The following AGTPBP1 variants were observed in gnomAD, a reference collection of about 807,000 sequenced individuals.
AGTPBP1 encodes cytosolic carboxypeptidase 1.
AGTPBP1 carries 70 observed loss-of-function variants against 143.9 expected under a neutral mutation model. The observed-to-expected ratio is 0.49, with a 90% CI of 0.40 to 0.59. AGTPBP1 has a LOEUF of 0.59. AGTPBP1 is among the 20% of genes least tolerant of loss of function. The pLI is 0.00. For synonymous variants in AGTPBP1, 463 were observed against 500.2 expected (o/e 0.93, Z 0.99); for missense variants, 1,229 against 1,464.5 (o/e 0.84, Z 2.62).
chr9:85,788,110 A>T, the AGTPBP1 span: 1 of 152,162 alleles, frequency 6.6e-6, no homozygotes, highest in Admixed American at 6.5e-5. Context: ...CATGGTACTA[A>T]AATTTATTTA....
chr9:85,651,129 T>C (rs1833138646), intron 11 of AGTPBP1, among the ~76,000 whole-genome samples: 1 of 152,186 alleles, frequency 6.6e-6, no homozygotes, highest in African/African-American at 2.4e-5. Flanking sequence ...CTGAAACTGA[T>C]CTGCTTGTCC....
intron 1 of AGTPBP1, among the ~76,000 whole-genome samples, chr9:85,717,741 C>T (rs1208672289): frequency 1.3e-5 from 2 of 150,404 alleles, no homozygotes; most frequent in Non-Finnish European, 3.0e-5. Context: ...CAGGTTTGTT[C>T]CATAGGTATA....
intron 17 of AGTPBP1, among the ~76,000 whole-genome samples, chr9:85,612,882 G>GTTT (rs34585790): frequency 6.8e-6 from 1 of 146,930 alleles, no homozygotes; most frequent in Admixed American, 6.8e-5. Flanking sequence ...AGAAAAACAG[G>GTTT]TTTTTTTTTT....
chr9:85,672,732 A>ATTTT (rs35158140), intron 6 of AGTPBP1, 51 bp from the exon 7 acceptor site: 459 of 919,392 alleles, frequency 5.0e-4, no homozygotes, highest in East Asian at 3.5e-3. Context: ...TTTCTTTTTA[A>ATTTT]TTTTTTTTTT....
chr9:85,639,304 T>C (rs1832292111), intron 13 of AGTPBP1, among the ~76,000 whole-genome samples: 2 of 151,998 alleles, frequency 1.3e-5, no homozygotes, highest in African/African-American at 4.8e-5. Flanking sequence ...ACAGTAATTA[T>C]AGGAGGAAAA....
At position 85,719,211 on chromosome 9, in the gene AGTPBP1, C is replaced by T. The variant is rs149957687; in HGVS notation, c.-33-6645G>A. On this transcript the variant is annotated intron_variant, in intron 1 of 25. Transcript: ENST00000357081. ...TTTCCAATTCTGTGAAGAAAGTCAT[C>T]GGTAGCTTGATGGGGATGGCACTGA... 4.9e-3 allele frequency among the ~76,000 whole-genome samples: 744 copies of T among 152,128 alleles called. 6 individuals carry two copies. Among genetic ancestry groups the T allele is most frequent in the Non-Finnish European group, 8.0e-3 (546 of 67,998 alleles).
intron 1 of AGTPBP1, among the ~76,000 whole-genome samples, chr9:85,729,732 AT>A (rs1838756975): frequency 1.3e-5 from 2 of 152,178 alleles, no homozygotes; most frequent in Non-Finnish European, 2.9e-5. Flanking sequence ...AAAGACCTGA[AT>A]ACTCTTCCAA....
chr9:85,637,062 A>T (rs1465271280), intron 13 of AGTPBP1, among the ~76,000 whole-genome samples: 4 of 142,808 alleles, frequency 2.8e-5, no homozygotes, highest in African/African-American at 1.0e-4. Flanking sequence ...TTTTTTTTAG[A>T]CAGAGTTTCG....
chr9:85,803,647 C>T, the AGTPBP1 span, among the ~76,000 whole-genome samples: 2 of 152,182 alleles, frequency 1.3e-5, no homozygotes, highest in African/African-American at 4.8e-5. Flanking sequence ...ACTTTGTTTT[C>T]TTCTTTTATC....
intron 14 of AGTPBP1, among the ~76,000 whole-genome samples, chr9:85,624,604 C>G (rs1175509007): frequency 6.6e-6 from 1 of 152,162 alleles, no homozygotes; most frequent in East Asian, 1.9e-4. Flanking sequence ...GTTTTCCAAG[C>G]CATTCTAAAC....
chr9:85,596,562 T>C (rs1829313225), intron 17 of AGTPBP1, 113 bp from the exon 18 acceptor site: 2 of 646,462 alleles, frequency 3.1e-6, no homozygotes, highest in South Asian at 5.2e-5. Context: ...GTAAATTACA[T>C]TTCAGTTTTT....
At position 85,672,606 on chromosome 9, in the gene AGTPBP1, T is replaced by C. The variant is rs202043215; in HGVS notation, c.512A>G (p.Gln171Arg). The change falls in exon 7 of 26, where the codon CAG becomes CGG. Residue 171 changes from glutamine to arginine, a missense_variant. By Grantham distance (43) the Gln-to-Arg change is conservative. Coordinates refer to ENST00000357081, the MANE Select transcript of AGTPBP1 (RefSeq NM_001330701.2). ...GCAAGGTAGAACCAAGCGATGATTC[T>C]GCAAATTCTGCTTGACCAAATTCAG... ...ITLNLVKQNL[Q>R]NHRLVLPCLQ... 2.4e-5 allele frequency: 38 copies of C among 1,613,924 alleles called. No individual in the cohort carries two copies. The East Asian group carries it at 7.4e-4, about 31-fold the overall frequency.
chr9:85,689,925 A>AAT (rs1554726691), intron 3 of AGTPBP1, among the ~76,000 whole-genome samples: 4,024 of 71,812 alleles, frequency 0.056, 153 homozygotes, highest in Middle Eastern at 0.1. Context: ...AAAAAAAAAA[A>AAT]ATATATATAT....
chr9:85,791,613 A>G, the AGTPBP1 span: 1 of 152,156 alleles, frequency 6.6e-6, no homozygotes, highest in South Asian at 2.1e-4. Context: ...TTTTCAAAAA[A>G]TATTTTGAGA....
chr9:85,784,618 C>A, the AGTPBP1 span, among the ~76,000 whole-genome samples: 21 of 152,310 alleles, frequency 1.4e-4, no homozygotes, highest in Non-Finnish European at 1.3e-4. Context: ...TGATGTACTG[C>A]AGAGTTTGGG....
chr9:85,783,926 T>C, the AGTPBP1 span, among the ~76,000 whole-genome samples: 1 of 152,126 alleles, frequency 6.6e-6, no homozygotes. Flanking sequence ...TGCCCAGCGG[T>C]TCAGTGGGTT....
In AGTPBP1 at chr9:85,547,135, CAG is replaced by C; in HGVS notation, c.3653_3654del (p.Ser1218Ter). On this transcript the variant is annotated frameshift_variant, in exon 26 of 26. Coordinates refer to ENST00000357081, the MANE Select transcript of AGTPBP1 (RefSeq NM_001330701.2). LOFTEE classifies it high-confidence loss of function. ...CAAGGTAGGTATGTTCTTGATAATTCAGAGTCAGAAAGTACTTCTTCTTGAGC... is the reference window on the plus strand; with the variant it reads ...CAAGGTAGGTATGTTCTTGATAATTCAGTCAGAAAGTACTTCTTCTTGAGC... ...PSAQEEVLSD[S>X]ELSRTYLP 1.2e-6 allele frequency: 2 copies of C among 1,611,672 alleles called. No homozygotes were observed.
the AGTPBP1 span, chr9:85,805,223 A>C: frequency 6.7e-6 from 1 of 149,476 alleles, no homozygotes; most frequent in East Asian, 1.9e-4. Context: ...GCCGCTACCA[A>C]CCGGGAAAAT....
chr9:85,614,901 T>G (rs1476113708), intron 17 of AGTPBP1, among the ~76,000 whole-genome samples: 1 of 152,166 alleles, frequency 6.6e-6, no homozygotes, highest in African/African-American at 2.4e-5. Context: ...AATCAGGTTC[T>G]AATCTGTTTT....
Sources: gnomAD v4.1 joint callset for allele counts (sites outside exome capture counted in the v4.1 genomes callset) on GRCh38, gnomAD v4.1.1 for gene constraint, MANE v1.5 for transcripts, NCBI Gene and HGNC (gene_info 2026-07-23, HGNC 2026-07-21) for gene names.